NCAM1: variants seen among roughly 807,000 people sequenced by gnomAD.
The protein encoded by NCAM1 is neural cell adhesion molecule 1.
Under a neutral mutation model 109.8 loss-of-function variants are expected in NCAM1, and 14 were observed. The observed-to-expected ratio is 0.13, with a 90% CI of 0.08 to 0.20. NCAM1 has a LOEUF of 0.20. Ranked by LOEUF, NCAM1 falls within the 10% of genes least tolerant of loss-of-function variation. NCAM1 has a pLI of 1.00. For missense variants in NCAM1, 774 were observed against 1,109.9 expected, an observed-to-expected ratio of 0.70 and a Z score of 4.30; for synonymous variants, 418 against 442.9, an observed-to-expected ratio of 0.94 and a Z score of 0.70.
chr11:113,157,849 G>A (rs1187507469), intron 1 of NCAM1, among the ~76,000 whole-genome samples: 1 of 151,896 alleles, frequency 6.6e-6, no homozygotes, highest in Non-Finnish European at 1.5e-5. Flanking sequence ...ATCTACTTCT[G>A]CATTCGATCT....
chr11:113,215,743 G>A (rs1043246011), intron 8 of NCAM1, among the ~76,000 whole-genome samples: 28 of 152,196 alleles, frequency 1.8e-4, no homozygotes, highest in African/African-American at 6.5e-4. Flanking sequence ...ACCCACATAT[G>A]CTGTTTGAAA....
chr11:112,972,980 G>A (rs1450306417), intron 1 of NCAM1, among the ~76,000 whole-genome samples: 1 of 152,076 alleles, frequency 6.6e-6, no homozygotes, highest in Non-Finnish European at 1.5e-5. Context: ...CTTTGCAAAG[G>A]ACAACAGGAC....
chr11:113,084,298 TTCTA>T (rs1201947307), intron 1 of NCAM1, among the ~76,000 whole-genome samples: 8 of 152,194 alleles, frequency 5.3e-5, no homozygotes, highest in African/African-American at 1.9e-4. Flanking sequence ...CTCACCCCTG[TTCTA>T]TCTATCTAAC....
chr11:113,263,570 C>CA, intron 17 of NCAM1: 1 of 985,658 alleles, frequency 1.0e-6, no homozygotes, highest in Non-Finnish European at 1.2e-6. Context: ...GATGTGCTTT[C>CA]AGTCCTCGTA....
intron 9 of NCAM1, among the ~76,000 whole-genome samples, chr11:113,224,655 C>G (rs1398483795): frequency 1.3e-5 from 2 of 152,216 alleles, no homozygotes; most frequent in Non-Finnish European, 1.5e-5. Flanking sequence ...TCCCTGACCC[C>G]CGAGTAGCCT....
At chr11:113,080,246 C>T (rs1285310111) in intron 1 of NCAM1, among the ~76,000 whole-genome samples, 1 of 152,098 alleles carries the variant, frequency 6.6e-6, no homozygotes, top group Non-Finnish European at 1.5e-5. Flanking sequence ...GTGCCCGCTA[C>T]AGAAATGTGA....
chr11:113,089,053 G>A (rs1221965141), intron 1 of NCAM1, among the ~76,000 whole-genome samples: 2 of 152,204 alleles, frequency 1.3e-5, no homozygotes, highest in Admixed American at 1.3e-4. Context: ...GGTGGCTCAC[G>A]CCTGTAATCC....
chr11:112,991,897 C>A (rs1951466451), intron 1 of NCAM1, among the ~76,000 whole-genome samples: 1 of 152,044 alleles, frequency 6.6e-6, no homozygotes, highest in African/African-American at 2.4e-5. Context: ...CTGTTTCCTG[C>A]CTCATTTATA....
In NCAM1 at chr11:113,255,906, C is replaced by A; in HGVS notation, c.1858C>A (p.Gln620Lys). 6.2e-7 allele frequency: 1 copy of A among 1,612,318 alleles called. No homozygotes were observed. The highest frequency in any genetic ancestry group is 1.3e-5 in the African/African-American group (1 of 74,868). ...GEPSAPKLEG[Q>K]MGEDGNSIKV... Reference sequence around the variant, plus strand: ...ACCCAGTGCACCTAAGCTCGAAGGGCAGATGGGAGAGGATGGAAACTCTAT... The same window carrying A: ...ACCCAGTGCACCTAAGCTCGAAGGGAAGATGGGAGAGGATGGAAACTCTAT... Residue 620 changes from glutamine to lysine, a missense_variant, in exon 16 of 20, where the codon CAG becomes AAG. Gln to Lys is a moderately conservative substitution (Grantham distance 53). Around this residue, in one of 4 missense-constraint regions of NCAM1, gnomAD observed 523 missense variants for 784.2 expected, o/e 0.67. Coordinates refer to ENST00000316851, the MANE Select transcript of NCAM1 (RefSeq NM_181351.5).
At chr11:113,180,462 C>A (rs1343657064) in intron 1 of NCAM1, among the ~76,000 whole-genome samples, 1 of 152,190 alleles carries the variant, frequency 6.6e-6, no homozygotes, top group African/African-American at 2.4e-5. Context: ...TTTTTCTTAG[C>A]ATGACACTTG....
intron 1 of NCAM1, among the ~76,000 whole-genome samples, chr11:113,034,344 C>T (rs926213439): frequency 7.2e-5 from 11 of 152,180 alleles, no homozygotes; most frequent in Non-Finnish European, 8.8e-5. Flanking sequence ...AAAGAAAACC[C>T]TAAATGCTTT....
chr11:113,023,238 T>C (rs1026637809), intron 1 of NCAM1, among the ~76,000 whole-genome samples: 5 of 152,362 alleles, frequency 3.3e-5, no homozygotes, highest in Admixed American at 2.6e-4. Context: ...GTTGAAGCTC[T>C]TATTAGAATA....
intron 1 of NCAM1, among the ~76,000 whole-genome samples, chr11:113,025,777 C>CCG (rs1367984028): frequency 2.2e-5 from 1 of 46,412 alleles, no homozygotes; most frequent in Non-Finnish European, 4.2e-5. Flanking sequence ...ACACAGGGAG[C>CCG]CGAGAGAGAG....
intron 7 of NCAM1, 49 bp from the exon 8 acceptor site, chr11:113,214,320 A>G: frequency 6.3e-7 from 1 of 1,597,200 alleles, no homozygotes; most frequent in South Asian, 1.1e-5. Context: ...ATTTAAACCC[A>G]GAAAGCTCAA....
At chr11:113,232,914 A>T in intron 12 of NCAM1, 100 bp downstream of exon 12, 1 of 1,180,414 alleles carries the variant, frequency 8.5e-7, no homozygotes, top group Non-Finnish European at 1.2e-6. Flanking sequence ...TATTGGGAAG[A>T]AGAAAGGGCC....
At chr11:113,184,882 A>G (rs1565485253) in intron 1 of NCAM1, among the ~76,000 whole-genome samples, 1 of 152,004 alleles carries the variant, frequency 6.6e-6, no homozygotes, top group Non-Finnish European at 1.5e-5. Context: ...CCTGTCTTTT[A>G]TATTATATCC....
At chr11:113,094,135 C>T (rs1201944093) in intron 1 of NCAM1, among the ~76,000 whole-genome samples, 1 of 152,174 alleles carries the variant, frequency 6.6e-6, no homozygotes, top group Non-Finnish European at 1.5e-5. Context: ...AAATGAACAG[C>T]AATGACTTGG....
At chr11:113,189,336 G>T (rs1943606491) in intron 1 of NCAM1, among the ~76,000 whole-genome samples, 1 of 151,402 alleles carries the variant, frequency 6.6e-6, no homozygotes, top group Admixed American at 6.6e-5. Flanking sequence ...TGTAGTCCCA[G>T]CTACTTAGGA....
At chr11:113,001,972 C>T (rs1242160025) in intron 1 of NCAM1, among the ~76,000 whole-genome samples, 1 of 152,102 alleles carries the variant, frequency 6.6e-6, no homozygotes, top group Non-Finnish European at 1.5e-5. Context: ...TAGAGCAACC[C>T]GCAATTCTAG....
Sources: allele counts gnomAD v4.1 joint callset (sites outside exome capture counted in the v4.1 genomes callset), GRCh38; gene constraint gnomAD v4.1.1; regional missense constraint gnomAD v4.1.1; transcripts MANE v1.5; gene names NCBI Gene and HGNC (gene_info 2026-07-23, HGNC 2026-07-21).